The following RERE variants were observed in gnomAD, a reference collection of about 807,000 sequenced individuals.
The protein encoded by RERE is arginine-glutamic acid dipeptide repeats protein.
A neutral mutation model predicts 146.1 loss-of-function variants in RERE; 40 were observed. The observed-to-expected ratio is 0.27, with a 90% CI of 0.21 to 0.36. RERE has a LOEUF of 0.36. Ranked by LOEUF, RERE falls within the 10% of genes least tolerant of loss-of-function variation. RERE has a pLI of 1.00. For missense variants in RERE, 1,933 were observed against 2,138.7 expected (o/e 0.90, Z 1.90); for synonymous variants, 1,003 against 866.0 (o/e 1.16, Z -2.78).
intron 7 of RERE, among the ~76,000 whole-genome samples, chr1:8,528,021 A>ACT (rs1218190188): frequency 6.6e-6 from 1 of 152,230 alleles, no homozygotes; most frequent in Non-Finnish European, 1.5e-5. Flanking sequence ...GGACAAGGAC[A>ACT]CTACCTAAAT....
chr1:8,549,698 C>A (rs938181840), intron 6 of RERE, among the ~76,000 whole-genome samples: 2 of 152,154 alleles, frequency 1.3e-5, no homozygotes, highest in Non-Finnish European at 1.5e-5. Flanking sequence ...AGTGAAGAAA[C>A]CTGGCAGAAG....
intron 6 of RERE, among the ~76,000 whole-genome samples, chr1:8,549,782 G>A (rs952024599): frequency 6.6e-6 from 1 of 152,214 alleles, no homozygotes; most frequent in South Asian, 2.1e-4. Context: ...CCCATGATAA[G>A]ATGCACTCAG....
intron 4 of RERE, among the ~76,000 whole-genome samples, chr1:8,576,711 A>C (rs1447280512): frequency 6.6e-6 from 1 of 152,238 alleles, no homozygotes; most frequent in African/African-American, 2.4e-5. Context: ...CAAATATCCA[A>C]GTTGATAACA....
At chr1:8,544,600 G>C (rs1031906207) in intron 6 of RERE, among the ~76,000 whole-genome samples, 1 of 152,178 alleles carries the variant, frequency 6.6e-6, no homozygotes, top group African/African-American at 2.4e-5. Flanking sequence ...AGAGAAACCT[G>C]AACAGTTGGT....
At chr1:8,375,809 C>T (rs940197923) in intron 12 of RERE, among the ~76,000 whole-genome samples, 2 of 151,166 alleles carry the variant, frequency 1.3e-5, no homozygotes, top group African/African-American at 4.9e-5. Context: ...CACTCAGCAG[C>T]CACTGAAAAT....
At chr1:8,369,868 C>A (rs867106930) in intron 12 of RERE, among the ~76,000 whole-genome samples, 3 of 152,164 alleles carry the variant, frequency 2.0e-5, no homozygotes, top group African/African-American at 7.2e-5. Flanking sequence ...CGGCTCACTG[C>A]AAGCTCCGCC....
intron 2 of RERE, among the ~76,000 whole-genome samples, chr1:8,647,641 A>ATATGTGTGTGTGTGTGTGTGTG (rs371893375): frequency 1.5e-4 from 23 of 148,534 alleles, no homozygotes; most frequent in African/African-American, 4.0e-4. Flanking sequence ...TAAAATATGT[A>ATATGTGTGTGTGTGTGTGTGTG]TGTGTGTGTG....
At chr1:8,718,509 A>C (rs1449412206) in intron 1 of RERE, among the ~76,000 whole-genome samples, 3 of 152,204 alleles carry the variant, frequency 2.0e-5, no homozygotes, top group Non-Finnish European at 4.4e-5. Context: ...TGAACAGCTG[A>C]ATTTTTTTGT....
chr1:8,501,750 G>C (rs1192152031), intron 8 of RERE, among the ~76,000 whole-genome samples: 4 of 131,168 alleles, frequency 3.0e-5, no homozygotes, highest in African/African-American at 1.1e-4. Context: ...GCCCCGTCCG[G>C]GAGGGAGGTG....
chr1:8,645,934 G>A (rs1647285067), intron 2 of RERE, among the ~76,000 whole-genome samples: 1 of 152,228 alleles, frequency 6.6e-6, no homozygotes, highest in East Asian at 1.9e-4. Flanking sequence ...AGAAACAGAA[G>A]AAATTAAAAG....
At chr1:8,706,297 A>G (rs1204079962) in intron 1 of RERE, among the ~76,000 whole-genome samples, 1 of 152,128 alleles carries the variant, frequency 6.6e-6, no homozygotes, top group East Asian at 1.9e-4. Flanking sequence ...AAAAATTTAG[A>G]AAAATAAAAA....
chr1:8,356,309 G>A lies in RERE; in HGVS notation c.4340-63C>T. ...CAGCTCTTCAATGTTTGTCCCCCTT[G>A]GCTGGAATGACCGATGACTTCCTCC... On this transcript the variant is annotated intron_variant, in intron 20 of 22. Coordinates refer to ENST00000400908, the MANE Select transcript of RERE (RefSeq NM_001042681.2). This position sits in a 1 kb window ranked among gnomAD's most constrained non-coding sequence, Gnocchi z 5.2. 7.0e-7 allele frequency: 1 copy of A among 1,425,902 alleles called. No individual in the cohort carries two copies. The highest frequency in any genetic ancestry group is 3.8e-5 in the Admixed American group (1 of 26,312). The allele number at this position is 1,425,902 out of a possible 1,614,324, so 88.3% of individuals were successfully genotyped here. A position where few individuals can be genotyped will look rare whatever the true frequency, so the allele number is the denominator to read the frequency against.
chr1:8,802,266 A>G (rs1406070991), intron 1 of RERE, among the ~76,000 whole-genome samples: 1 of 152,162 alleles, frequency 6.6e-6, no homozygotes, highest in African/African-American at 2.4e-5. Flanking sequence ...CCTCTCCAAA[A>G]TGCTCTTACT....
At chr1:8,677,684 T>C (rs1178608462) in intron 1 of RERE, among the ~76,000 whole-genome samples, 1 of 152,220 alleles carries the variant, frequency 6.6e-6, no homozygotes, top group East Asian at 1.9e-4. Flanking sequence ...TTTGTAAACA[T>C]GAGCTAGTCA....
At chr1:8,554,066 A>G (rs1461026655) in intron 6 of RERE, among the ~76,000 whole-genome samples, 1 of 152,052 alleles carries the variant, frequency 6.6e-6, no homozygotes, top group Non-Finnish European at 1.5e-5. Context: ...AGTCCCAGCT[A>G]CTCGGGAGAC....
intron 1 of RERE, among the ~76,000 whole-genome samples, chr1:8,805,087 C>T (rs1231834519): frequency 6.7e-6 from 1 of 149,208 alleles, no homozygotes; most frequent in Admixed American, 6.7e-5. Flanking sequence ...TTCGGCTCAC[C>T]GCAACCTCGG....
intron 3 of RERE, among the ~76,000 whole-genome samples, chr1:8,615,855 T>G (rs1430595955): frequency 1.3e-5 from 2 of 152,132 alleles, no homozygotes; most frequent in Admixed American, 1.3e-4. Context: ...TGTTTTATCA[T>G]GATCATTTTC....
intron 8 of RERE, among the ~76,000 whole-genome samples, chr1:8,505,837 A>AC (rs1171274823): frequency 2.0e-5 from 3 of 152,202 alleles, no homozygotes; most frequent in Non-Finnish European, 4.4e-5. Context: ...AAATTTTAAA[A>AC]AGGTAAATGT....
In RERE at chr1:8,360,666, G is replaced by A. The variant is rs998048724; in HGVS notation, c.2841C>T (p.His947=). 7 of 1,542,988 alleles carry A rather than the reference G, an allele frequency of 4.5e-6. No individual in the cohort carries two copies. The highest frequency in any genetic ancestry group is 4.2e-5 in the African/African-American group (3 of 72,284). The part of the protein sequence containing the change: ...PQLPAPQAHK[H]PPHLSGPSPF... Reference sequence around the variant, plus strand: ...GTGAGGGCCCCGAGAGGTGGGGAGGGTGCTTGTGGGCCTGTGGCGCCGGCA... The same window carrying A: ...GTGAGGGCCCCGAGAGGTGGGGAGGATGCTTGTGGGCCTGTGGCGCCGGCA... The change falls in exon 18 of 23, where the codon CAC becomes CAT. Residue 947 remains histidine, a synonymous_variant. Transcript: ENST00000400908.
Sources: allele counts gnomAD v4.1 joint callset (sites outside exome capture counted in the v4.1 genomes callset), GRCh38; gene constraint gnomAD v4.1.1; non-coding constraint Gnocchi (gnomAD v3.1); transcripts MANE v1.5; gene names NCBI Gene and HGNC (gene_info 2026-07-23, HGNC 2026-07-21).